SEMA3D: variants seen among roughly 807,000 people sequenced by gnomAD.
The protein encoded by SEMA3D is semaphorin 3D, also known as semaphorin-3D.
Under a neutral mutation model 100.1 loss-of-function variants are expected in SEMA3D, and 84 were observed. The observed-to-expected ratio is 0.84, with a 90% confidence interval of 0.70 to 1.01. SEMA3D has a LOEUF of 1.01. Ranked by LOEUF, SEMA3D falls within the 50% of genes least tolerant of loss-of-function variation. The pLI is 0.00. For missense variants in SEMA3D, 875 were observed against 934.1 expected, an observed-to-expected ratio of 0.94 and a Z score of 0.82; for synonymous variants, 312 against 320.7, an observed-to-expected ratio of 0.97 and a Z score of 0.29.
rs184903081 is a variant in SEMA3D, at chr7:85,141,144, C to T, written c.-41+12464G>A. 1,343 of 984,434 alleles carry T rather than the reference C, an allele frequency of 1.4e-3. 2 individuals are homozygous for T. The highest frequency in any genetic ancestry group is 1.5e-3 in the Non-Finnish European group (1,282 of 829,168). 61.0% of individuals were successfully genotyped at this position (984,434 alleles called of 1,614,324 possible). On this transcript the variant is annotated intron_variant, in intron 2 of 18. Coordinates refer to ENST00000284136, the MANE Select transcript of SEMA3D (RefSeq NM_001384900.1). Reference sequence around the variant, plus strand: ...TTTATAGGTGATTTGTCCAATTTGACGTCTAATTCTAAGCACATTATAACT... The same window carrying T: ...TTTATAGGTGATTTGTCCAATTTGATGTCTAATTCTAAGCACATTATAACT...
In SEMA3D at chr7:85,163,187, T is replaced by C. The variant is rs192537871; in HGVS notation, c.-172-9448A>G. 603 of 155,316 alleles carry C rather than the reference T, an allele frequency of 3.9e-3. 2 individuals carry two copies. Among genetic ancestry groups the C allele is most frequent in the Middle Eastern group, 6.6e-3 (2 of 302 alleles). 9.6% of individuals were successfully genotyped at this position (155,316 alleles called of 1,614,324 possible). ...GTGCAGCAGTGAAGAACTTAAACTC[T>C]AAAATCAAACTGCCTGGTTCCACAT... On this transcript the variant is annotated intron_variant, in intron 1 of 18. Coordinates refer to ENST00000284136, the MANE Select transcript of SEMA3D (RefSeq NM_001384900.1).
chr7:85,214,564 T>C, the SEMA3D span, among the ~76,000 whole-genome samples: 1 of 151,618 alleles, frequency 6.6e-6, no homozygotes, highest in Non-Finnish European at 1.5e-5. Context: ...TGGTGTGATC[T>C]CGGCTTCCTG....
At chr7:85,018,367 C>A (rs1052984550) in intron 14 of SEMA3D, 74 bp from the exon 15 acceptor site, 1 of 911,144 alleles carries the variant, frequency 1.1e-6, no homozygotes. Flanking sequence ...GTTGTTTTAT[C>A]TGATGCCATA....
intron 16 of SEMA3D, among the ~76,000 whole-genome samples, chr7:85,013,639 T>C (rs980667895): frequency 4.6e-5 from 7 of 151,748 alleles, no homozygotes; most frequent in Admixed American, 4.0e-4. Context: ...GTGATATCTA[T>C]AGTGTTCCTT....
At chr7:85,099,404 C>T (rs549328504) in intron 3 of SEMA3D, among the ~76,000 whole-genome samples, 3 of 152,030 alleles carry the variant, frequency 2.0e-5, no homozygotes, top group Admixed American at 6.6e-5. Context: ...TTGCCCTCTG[C>T]CATGATTGCG....
At chr7:85,078,281 A>G (rs7809347) in intron 5 of SEMA3D, among the ~76,000 whole-genome samples, 31,960 of 151,808 alleles carry the variant, frequency 0.21, 4,592 homozygotes, top group African/African-American at 0.41. Context: ...TTGAGAGAAA[A>G]AAAGGAAGAA....
intron 4 of SEMA3D, among the ~76,000 whole-genome samples, 178 bp downstream of exon 4, chr7:85,097,627 A>C (rs1343644480): frequency 6.6e-6 from 1 of 151,876 alleles, no homozygotes; most frequent in Non-Finnish European, 1.5e-5. Context: ...TATGTACTTA[A>C]ATCCATAAAA....
chr7:85,158,329 T>C (rs950072793), intron 1 of SEMA3D, among the ~76,000 whole-genome samples: 1 of 152,148 alleles, frequency 6.6e-6, no homozygotes, highest in Non-Finnish European at 1.5e-5. Context: ...AGAGAATGCA[T>C]CCCTGAGGGG....
At chr7:85,086,538 T>C (rs1788218396) in intron 4 of SEMA3D, among the ~76,000 whole-genome samples, 1 of 152,048 alleles carries the variant, frequency 6.6e-6, no homozygotes, top group Admixed American at 6.6e-5. Context: ...ATAATCTTTA[T>C]ATAATGCGAT....
chr7:85,143,654 T>C (rs1790117923), intron 2 of SEMA3D, among the ~76,000 whole-genome samples: 1 of 152,130 alleles, frequency 6.6e-6, no homozygotes, highest in Non-Finnish European at 1.5e-5. Flanking sequence ...ATGACTGTAA[T>C]ATATAGTAAT....
chr7:85,051,200 T>C (rs1167593360), intron 9 of SEMA3D, among the ~76,000 whole-genome samples: 1 of 151,898 alleles, frequency 6.6e-6, no homozygotes, highest in East Asian at 1.9e-4. Flanking sequence ...CCTGCTGTCC[T>C]CATTTTTTAG....
intron 1 of SEMA3D, among the ~76,000 whole-genome samples, chr7:85,185,868 C>T (rs1288737034): frequency 6.6e-6 from 1 of 152,192 alleles, no homozygotes; most frequent in Non-Finnish European, 1.5e-5. Flanking sequence ...GGACCGCACT[C>T]CTGGTTAAAT....
chr7:85,013,101 T>A (rs1297706541), intron 16 of SEMA3D, among the ~76,000 whole-genome samples: 1 of 151,784 alleles, frequency 6.6e-6, no homozygotes, highest in East Asian at 1.9e-4. Flanking sequence ...TTTTCTCTAT[T>A]TTTTTCACAA....
Position 84,999,841 on chromosome 7 carries a change from T to G in SEMA3D, c.1933A>C (p.Lys645Gln). The G allele has an allele frequency of 6.2e-7, 1 of 1,613,378 alleles. No homozygotes were observed. The highest frequency in any genetic ancestry group is 8.5e-7 in the Non-Finnish European group (1 of 1,179,466). The change falls in exon 19 of 19, where the codon AAA becomes CAA. Residue 645 changes from lysine to glutamine, a missense_variant. Coordinates refer to ENST00000284136, the MANE Select transcript of SEMA3D (RefSeq NM_001384900.1). ...CGAATCAGTAGCCCATATTCCGTTTTGATGATTCTTTCATCGGGCTTCAAC... is the reference window on the plus strand; with the variant it reads ...CGAATCAGTAGCCCATATTCCGTTTGGATGATTCTTTCATCGGGCTTCAAC... The part of the protein sequence containing the change: ...EELKPDERII[K>Q]TEYGLLIRSL...
the SEMA3D span, among the ~76,000 whole-genome samples, chr7:85,194,141 A>G: frequency 6.6e-6 from 1 of 152,174 alleles, no homozygotes; most frequent in Admixed American, 6.5e-5. Flanking sequence ...TGATTATGTT[A>G]TCTGCAAACA....
chr7:85,028,638 G>T, intron 12 of SEMA3D: 1 of 206,160 alleles, frequency 4.9e-6, no homozygotes, highest in Non-Finnish European at 9.7e-6. Flanking sequence ...TTGTGAACTT[G>T]CTAAACATAC....
At chr7:85,155,688 T>C (rs116175184) in intron 1 of SEMA3D, among the ~76,000 whole-genome samples, 4,737 of 152,294 alleles carry the variant, frequency 0.031, 102 homozygotes, top group South Asian at 0.073. Context: ...ATATTCATGT[T>C]TTATTTTAGT....
chr7:84,997,934 C>A lies in SEMA3D; in HGVS notation c.*1506G>T, dbSNP rs1466918253. 6.6e-6 allele frequency: 1 copy of A among 152,052 alleles called. No individual in the cohort carries two copies. Among genetic ancestry groups the A allele is most frequent in the East Asian group, 1.9e-4 (1 of 5,190 alleles). The allele number at this position is 152,052 out of a possible 1,614,324, so 9.4% of individuals were successfully genotyped here. On this transcript the variant is annotated 3_prime_UTR_variant, in exon 19 of 19. Coordinates refer to ENST00000284136, the MANE Select transcript of SEMA3D (RefSeq NM_001384900.1). ...CACCATGCATATTCAGAGGGAAAGTCAAATTGAAAACATTTGAAAGTACTA... is the reference window on the plus strand; with the variant it reads ...CACCATGCATATTCAGAGGGAAAGTAAAATTGAAAACATTTGAAAGTACTA...
the SEMA3D span, among the ~76,000 whole-genome samples, chr7:85,242,943 A>G: frequency 1.3e-5 from 2 of 152,168 alleles, no homozygotes; most frequent in Admixed American, 1.3e-4. Context: ...ACTGTGGTAT[A>G]AGGCTTTAGT....
Sources: gnomAD v4.1 joint callset for allele counts (sites outside exome capture counted in the v4.1 genomes callset) on GRCh38, gnomAD v4.1.1 for gene constraint, MANE v1.5 for transcripts, NCBI Gene and HGNC (gene_info 2026-07-23, HGNC 2026-07-21) for gene names.